Variants in SLC35F1 observed in about 807,000 individuals in gnomAD.
SLC35F1 encodes the protein chromosome 6 open reading frame 169.
In SLC35F1, 14 loss-of-function variants were observed where a neutral mutation model predicts 48.7. The observed-to-expected ratio is 0.29, with a 90% confidence interval of 0.19 to 0.45. The LOEUF (loss-of-function observed/expected upper bound fraction) is 0.45, where lower values mean the gene tolerates loss of function less well. Ranked by LOEUF, SLC35F1 falls within the 20% of genes least tolerant of loss-of-function variation. SLC35F1 has a pLI of 1.00. For missense variants in SLC35F1, 404 were observed against 500.0 expected (o/e 0.81, Z 1.83); for synonymous variants, 190 against 202.2 (o/e 0.94, Z 0.51).
intron 1 of SLC35F1, among the ~76,000 whole-genome samples, chr6:118,043,661 T>G (rs959668547): frequency 2.0e-4 from 30 of 150,290 alleles, no homozygotes; most frequent in Non-Finnish European, 4.3e-4. Flanking sequence ...TTTTCATATG[T>G]CTGGGATGGG....
At chr6:118,285,446 A>G (rs1776037768) in intron 7 of SLC35F1, 108 bp downstream of exon 7, 3 of 1,262,956 alleles carry the variant, frequency 2.4e-6, no homozygotes, top group Non-Finnish European at 3.4e-6. Context: ...AGGGAATAGT[A>G]ATGTAACTGG....
In SLC35F1 at chr6:118,273,157, T is replaced by C. The variant is rs576394451; in HGVS notation, c.638-2302T>C. Reference sequence around the variant, plus strand: ...TTGTGTTGTGATGATCAATAATTATTACTGAATTGGTGAAAACTCAAAGTA... The same window carrying C: ...TTGTGTTGTGATGATCAATAATTATCACTGAATTGGTGAAAACTCAAAGTA... On this transcript the variant is annotated intron_variant, in intron 4 of 7. Transcript: ENST00000360388. Among the ~76,000 whole-genome samples, 11 of 152,284 alleles carry C rather than the reference T, an allele frequency of 7.2e-5. No individual in the cohort carries two copies. The South Asian group carries it at 8.3e-4, about 11-fold the overall frequency.
intron 1 of SLC35F1, among the ~76,000 whole-genome samples, chr6:117,952,190 G>A (rs977177183): frequency 4.6e-5 from 7 of 152,234 alleles, no homozygotes; most frequent in Non-Finnish European, 5.9e-5. Flanking sequence ...GAGTGTGTGT[G>A]TGTGTGCATG....
At chr6:118,172,428 CA>C (rs1399681618) in intron 2 of SLC35F1, among the ~76,000 whole-genome samples, 1 of 151,818 alleles carries the variant, frequency 6.6e-6, no homozygotes, top group Admixed American at 6.6e-5. Flanking sequence ...ACGTCTCATC[CA>C]AAAAAATGAA....
intron 1 of SLC35F1, among the ~76,000 whole-genome samples, chr6:118,063,251 CACTTCATT>C (rs1326029636): frequency 6.6e-6 from 1 of 152,054 alleles, no homozygotes; most frequent in Non-Finnish European, 1.5e-5. Flanking sequence ...TAAGATTCAT[CACTTCATT>C]ATAGAGTTTT....
chr6:117,964,617 G>A (rs1166011516), intron 1 of SLC35F1, among the ~76,000 whole-genome samples: 1 of 152,178 alleles, frequency 6.6e-6, no homozygotes, highest in East Asian at 1.9e-4. Flanking sequence ...AAGAGGTGTT[G>A]CCTCTCCTGT....
intron 1 of SLC35F1, among the ~76,000 whole-genome samples, chr6:118,079,383 T>C (rs35046700): frequency 6.6e-6 from 1 of 152,214 alleles, no homozygotes; most frequent in African/African-American, 2.4e-5. Flanking sequence ...TATTATATTG[T>C]ATGTATTTTA....
intron 2 of SLC35F1, among the ~76,000 whole-genome samples, chr6:118,194,457 C>T (rs1444722922): frequency 1.3e-5 from 2 of 152,082 alleles, no homozygotes; most frequent in African/African-American, 4.8e-5. Context: ...AAGATGGAGG[C>T]CTCATCTATT....
rs35420310 is a variant in SLC35F1, at chr6:117,966,131, G to GCCCCCCCCCCCCCCCCCCCCCCCCC, written c.173+58243_173+58244insCCCCCCCCCCCCCCCCCCCCCCCCC. On this transcript the variant is annotated intron_variant, in intron 1 of 7. Coordinates refer to ENST00000360388, the MANE Select transcript of SLC35F1 (RefSeq NM_001029858.4). ...AATAAGGGAATAAAAGCAGGCCACC[G>GCCCCCCCCCCCCCCCCCCCCCCCCC]CCCCCCCCCCCACTCCCGCCCCGCC... Among the ~76,000 whole-genome samples the GCCCCCCCCCCCCCCCCCCCCCCCCC allele has an allele frequency of 4.9e-5, 5 of 101,164 alleles. 1 individual carries two copies. Among genetic ancestry groups the GCCCCCCCCCCCCCCCCCCCCCCCCC allele is most frequent in the Admixed American group, 9.2e-5 (1 of 10,826 alleles). 66.4% of individuals were successfully genotyped at this position (101,164 alleles called of 152,430 possible). A position where few individuals can be genotyped will look rare whatever the true frequency, so the allele number is the denominator to read the frequency against.
At chr6:118,128,627 C>A (rs999563342) in intron 1 of SLC35F1, among the ~76,000 whole-genome samples, 1 of 151,616 alleles carries the variant, frequency 6.6e-6, no homozygotes, top group African/African-American at 2.4e-5. Context: ...CACATAGACA[C>A]AGGAAGGGGA....
intron 1 of SLC35F1, among the ~76,000 whole-genome samples, chr6:118,052,009 A>G (rs1772398396): frequency 6.6e-6 from 1 of 152,054 alleles, no homozygotes; most frequent in Non-Finnish European, 1.5e-5. Flanking sequence ...ATGTCTTATC[A>G]AGACCCCATC....
At chr6:118,191,643 T>C (rs761592417) in intron 2 of SLC35F1, among the ~76,000 whole-genome samples, 1 of 152,060 alleles carries the variant, frequency 6.6e-6, no homozygotes, top group Non-Finnish European at 1.5e-5. Flanking sequence ...GAAGATAGAG[T>C]TCTTGGGTTC....
intron 2 of SLC35F1, among the ~76,000 whole-genome samples, chr6:118,162,592 C>T (rs552792083): frequency 3.9e-5 from 6 of 152,268 alleles, no homozygotes; most frequent in Non-Finnish European, 7.4e-5. Context: ...ATAACTCGGC[C>T]GTTACCATGA....
chr6:118,316,795 T>G lies in SLC35F1; in HGVS notation c.*2543T>G, dbSNP rs752872161. 2.6e-5 allele frequency: 4 copies of G among 152,216 alleles called. No homozygotes were observed. The highest frequency in any genetic ancestry group is 4.8e-5 in the African/African-American group (2 of 41,452). The allele number at this position is 152,216 out of a possible 1,614,324, so 9.4% of individuals were successfully genotyped here. A position where few individuals can be genotyped will look rare whatever the true frequency, so the allele number is the denominator to read the frequency against. ...TTGCCGTATACCCTTTATCATTCGG[T>G]GTCCTTGTACTCAGACTTTCATGTC... On this transcript the variant is annotated 3_prime_UTR_variant, in exon 8 of 8. Coordinates refer to ENST00000360388, the MANE Select transcript of SLC35F1 (RefSeq NM_001029858.4).
At chr6:117,937,509 CACTT>C (rs1409671598) in intron 1 of SLC35F1, among the ~76,000 whole-genome samples, 1 of 152,122 alleles carries the variant, frequency 6.6e-6, no homozygotes, top group African/African-American at 2.4e-5. Flanking sequence ...AGCAATCAAA[CACTT>C]ATTTAAGGAA....
chr6:118,102,819 T>C (rs1446441827), intron 1 of SLC35F1, among the ~76,000 whole-genome samples: 2 of 152,192 alleles, frequency 1.3e-5, no homozygotes, highest in African/African-American at 4.8e-5. Context: ...GTCTCAATCC[T>C]GAAGGAAAGC....
chr6:118,052,559 A>G (rs1772405854), intron 1 of SLC35F1, among the ~76,000 whole-genome samples: 1 of 152,236 alleles, frequency 6.6e-6, no homozygotes, highest in South Asian at 2.1e-4. Flanking sequence ...TCGAATTACT[A>G]GTTAGTATTA....
chr6:118,023,853 A>G (rs1777429746), intron 1 of SLC35F1, among the ~76,000 whole-genome samples: 1 of 152,178 alleles, frequency 6.6e-6, no homozygotes, highest in Non-Finnish European at 1.5e-5. Flanking sequence ...ACTGCTCTCT[A>G]GCTTATTGAA....
chr6:117,970,404 A>G (rs565904498), intron 1 of SLC35F1, among the ~76,000 whole-genome samples: 5 of 152,230 alleles, frequency 3.3e-5, no homozygotes, highest in Non-Finnish European at 5.9e-5. Flanking sequence ...ATTCTAGAAT[A>G]TAATAGACAG....
Sources: gnomAD v4.1 joint callset for allele counts (sites outside exome capture counted in the v4.1 genomes callset) on GRCh38, gnomAD v4.1.1 for gene constraint, MANE v1.5 for transcripts, NCBI Gene and HGNC (gene_info 2026-07-23, HGNC 2026-07-21) for gene names.